Variants in CPEB3 observed in about 807,000 individuals in gnomAD.
The protein encoded by CPEB3 is cytoplasmic polyadenylation element binding protein 3, also known as cytoplasmic polyadenylation element-binding protein 3.
Under a neutral mutation model 67.2 loss-of-function variants are expected in CPEB3, and 20 were observed. The observed-to-expected ratio is 0.30, with a 90% CI of 0.21 to 0.43. The LOEUF (loss-of-function observed/expected upper bound fraction) is 0.43. CPEB3 is among the 20% of genes least tolerant of loss of function. CPEB3 has a pLI of 1.00. For synonymous variants in CPEB3, 376 were observed against 393.1 expected, an observed-to-expected ratio of 0.96 and a Z score of 0.51; for missense variants, 746 against 968.6, an observed-to-expected ratio of 0.77 and a Z score of 3.05.
chr10:92,168,688 G>A (rs550914483), intron 4 of CPEB3, among the ~76,000 whole-genome samples: 1 of 151,440 alleles, frequency 6.6e-6, no homozygotes, highest in African/African-American at 2.4e-5. Context: ...CTCTCCTGCT[G>A]TCATGTGAAG....
chr10:92,186,581 C>T (rs374185603), intron 3 of CPEB3, among the ~76,000 whole-genome samples: 1 of 151,850 alleles, frequency 6.6e-6, no homozygotes, highest in Admixed American at 6.6e-5. Flanking sequence ...ACTACAGGCG[C>T]CTGCCACCAC....
At chr10:92,082,304 A>T (rs1843187171) in intron 8 of CPEB3, among the ~76,000 whole-genome samples, 1 of 152,052 alleles carries the variant, frequency 6.6e-6, no homozygotes, top group South Asian at 2.1e-4. Context: ...TTGTTTACTG[A>T]GACAGAGTCT....
intron 1 of CPEB3, among the ~76,000 whole-genome samples, chr10:92,248,859 T>C (rs1295881998): frequency 1.3e-5 from 2 of 152,188 alleles, no homozygotes; most frequent in African/African-American, 2.4e-5. Flanking sequence ...TGCAGCAACA[T>C]TGACATAACT....
At chr10:92,186,072 T>C (rs570109779) in intron 3 of CPEB3, among the ~76,000 whole-genome samples, 4 of 152,000 alleles carry the variant, frequency 2.6e-5, no homozygotes, top group African/African-American at 9.6e-5. Flanking sequence ...TCGAGAACAA[T>C]TAAATCACAA....
intron 1 of CPEB3, among the ~76,000 whole-genome samples, chr10:92,260,949 A>C (rs1852771783): frequency 6.6e-6 from 1 of 152,114 alleles, no homozygotes; most frequent in African/African-American, 2.4e-5. Context: ...GAAAGTACTA[A>C]TTTTAGTCTT....
intron 1 of CPEB3, among the ~76,000 whole-genome samples, chr10:92,274,065 G>C (rs557294901): frequency 6.6e-6 from 1 of 152,178 alleles, no homozygotes; most frequent in African/African-American, 2.4e-5. Context: ...TATACTTTCT[G>C]ACGTCAGCTG....
At chr10:92,156,896 G>C (rs1847235152) in intron 4 of CPEB3, among the ~76,000 whole-genome samples, 1 of 152,074 alleles carries the variant, frequency 6.6e-6, no homozygotes, top group Non-Finnish European at 1.5e-5. Flanking sequence ...AATGATAAAA[G>C]TATTGTTTGG....
intron 4 of CPEB3, among the ~76,000 whole-genome samples, chr10:92,167,375 C>G (rs1847794760): frequency 6.6e-6 from 1 of 152,172 alleles, no homozygotes; most frequent in African/African-American, 2.4e-5. Flanking sequence ...TTAATCATTT[C>G]TAGTTTTTGA....
At chr10:92,140,333 C>G (rs1186468446) in intron 6 of CPEB3, among the ~76,000 whole-genome samples, 7 of 152,156 alleles carry the variant, frequency 4.6e-5, no homozygotes, top group African/African-American at 7.2e-5. Flanking sequence ...TGCCGCATAT[C>G]TACAACTATC....
At chr10:92,112,626 G>T (rs576203383) in intron 6 of CPEB3, among the ~76,000 whole-genome samples, 1 of 152,060 alleles carries the variant, frequency 6.6e-6, no homozygotes, top group African/African-American at 2.4e-5. Flanking sequence ...ATATTCAAGG[G>T]GCCACCTGTG....
At chr10:92,275,175 A>G (rs569059421) in intron 1 of CPEB3, among the ~76,000 whole-genome samples, 147 of 152,252 alleles carry the variant, frequency 9.7e-4, no homozygotes, top group Non-Finnish European at 1.9e-3. Flanking sequence ...CATTACTGAT[A>G]TTTTAGGCTA....
intron 1 of CPEB3, among the ~76,000 whole-genome samples, chr10:92,281,079 GT>G (rs1312579623): frequency 1.3e-5 from 2 of 151,744 alleles, no homozygotes; most frequent in Non-Finnish European, 2.9e-5. Context: ...ATCTTTTCAT[GT>G]GCTTACTATT....
intron 7 of CPEB3, among the ~76,000 whole-genome samples, chr10:92,096,294 T>C (rs1405431044): frequency 6.6e-6 from 1 of 152,070 alleles, no homozygotes; most frequent in Admixed American, 6.6e-5. Context: ...CTAGAGACAA[T>C]TCAAAGTATA....
intron 1 of CPEB3, among the ~76,000 whole-genome samples, chr10:92,277,480 C>T (rs1842043904): frequency 6.6e-6 from 1 of 152,200 alleles, no homozygotes; most frequent in Admixed American, 6.6e-5. Context: ...GACTCCTCAT[C>T]CTGTTCCACT....
At position 92,226,577 on chromosome 10, in the gene CPEB3, C is replaced by T. The variant is rs75156421; in HGVS notation, c.1005+12769G>A. Among the ~76,000 whole-genome samples the T allele has an allele frequency of 5.9e-5, 9 of 152,306 alleles. No individual in the cohort carries two copies. The East Asian group carries it at 1.2e-3, about 20-fold the overall frequency. ...CAAAATATCCCTGGTACTATCACAG[C>T]CCCTGGAGACACTTCAGTGAAAAGG... On this transcript the variant is annotated intron_variant, in intron 2 of 9. Transcript: ENST00000265997.
intron 1 of CPEB3, among the ~76,000 whole-genome samples, chr10:92,289,709 C>T (rs1169697459): frequency 6.0e-5 from 2 of 33,198 alleles, no homozygotes; most frequent in African/African-American, 3.5e-4. Flanking sequence ...GGCGAGACCG[C>T]GTCTCTACCA....
rs975707773 is a variant in CPEB3 at position 92,135,215 on chromosome 10, G to A, written c.1453+7814C>T. 7.2e-5 allele frequency among the ~76,000 whole-genome samples: 11 copies of A among 152,308 alleles called. No individual in the cohort carries two copies. In the East Asian group the frequency reaches 1.5e-3, roughly 21 times the overall value. ...TGCACAGCAAAAGAAACTACCATCAGAGTGAGCAGGTAACCTACAGAATAG... is the reference window on the plus strand; with the variant it reads ...TGCACAGCAAAAGAAACTACCATCAAAGTGAGCAGGTAACCTACAGAATAG... On this transcript the variant is annotated intron_variant, in intron 6 of 9. Transcript: ENST00000265997.
At chr10:92,277,982 A>G (rs1425409626) in intron 1 of CPEB3, among the ~76,000 whole-genome samples, 2 of 151,948 alleles carry the variant, frequency 1.3e-5, no homozygotes, top group African/African-American at 2.4e-5. Context: ...CAGGAGTTCA[A>G]GACCAGCCTG....
chr10:92,210,557 T>C (rs1313279748), intron 2 of CPEB3, among the ~76,000 whole-genome samples: 3 of 152,168 alleles, frequency 2.0e-5, no homozygotes, highest in East Asian at 1.9e-4. Context: ...AATATAAACA[T>C]ACACGCACAC....
Sources: allele counts gnomAD v4.1 joint callset (sites outside exome capture counted in the v4.1 genomes callset), GRCh38; gene constraint gnomAD v4.1.1; transcripts MANE v1.5; gene names NCBI Gene and HGNC (gene_info 2026-07-23, HGNC 2026-07-21).